The following ERN1 variants were observed in gnomAD, a reference collection of about 807,000 sequenced individuals.
The protein encoded by ERN1 is endoplasmic reticulum to nucleus signaling 1, also known as serine/threonine-protein kinase/endoribonuclease IRE1.
In ERN1, 39 loss-of-function variants were observed where a neutral mutation model predicts 113.1. The ratio of observed to expected loss-of-function variants is 0.34; its 90% CI spans 0.27 to 0.45. ERN1 has a LOEUF of 0.45. Ranked by LOEUF, ERN1 falls within the 20% of genes least tolerant of loss-of-function variation. The probability of loss-of-function intolerance (pLI) is 1.00; values close to 1 mark genes in which losing one functional copy is unlikely to be tolerated. For missense variants in ERN1, 976 were observed against 1,274.8 expected, an observed-to-expected ratio of 0.77 and a Z score of 3.57; for synonymous variants, 507 against 515.9, an observed-to-expected ratio of 0.98 and a Z score of 0.23.
intron 7 of ERN1, among the ~76,000 whole-genome samples, chr17:64,067,606 C>A (rs369075983): frequency 1.5e-4 from 21 of 144,246 alleles, no homozygotes; most frequent in African/African-American, 1.0e-4. Context: ...GAACTTGCCT[C>A]AAAAAAAAAA....
chr17:64,111,952 A>T (rs1307132059), intron 1 of ERN1, among the ~76,000 whole-genome samples: 3 of 152,144 alleles, frequency 2.0e-5, no homozygotes, highest in African/African-American at 7.2e-5. Flanking sequence ...CTCATCTCTT[A>T]CCTCCATTGC....
In ERN1 at chr17:64,041,608, G is replaced by C. The variant is rs1912340035; in HGVS notation, c.*2380C>G. 6.6e-6 allele frequency: 1 copy of C among 152,188 alleles called. No homozygotes were observed. Among genetic ancestry groups the C allele is most frequent in the Non-Finnish European group, 1.5e-5 (1 of 68,060 alleles). The allele number at this position is 152,188 out of a possible 1,614,324, so 9.4% of individuals were successfully genotyped here. A position where few individuals can be genotyped will look rare whatever the true frequency, so the allele number is the denominator to read the frequency against. On this transcript the variant is annotated 3_prime_UTR_variant, in exon 22 of 22. Coordinates refer to ENST00000433197, the MANE Select transcript of ERN1 (RefSeq NM_001433.5). ...AACCAGGGCTCCTAAAGGCGACTAA[G>C]AGGAAAGACCAGAGGTGACCGGACC...
chr17:64,126,122 A>G (rs1489660367), intron 1 of ERN1, among the ~76,000 whole-genome samples: 1 of 152,174 alleles, frequency 6.6e-6, no homozygotes, highest in Non-Finnish European at 1.5e-5. Context: ...CCAGTAGTTT[A>G]TTATTCACAA....
At chr17:64,083,129 G>A (rs554330527) in intron 2 of ERN1, among the ~76,000 whole-genome samples, 4 of 152,184 alleles carry the variant, frequency 2.6e-5, no homozygotes, top group South Asian at 4.1e-4. Context: ...ATAATTATAC[G>A]GGGGGCGGGG....
In ERN1 at chr17:64,098,210, G is replaced by T. The variant is rs762022987; in HGVS notation, c.86C>A (p.Pro29His). ...IFGSTSTVTLPETLLFVSTLD... is the reference protein window; with the variant it reads ...IFGSTSTVTLHETLLFVSTLD... ...CGTTGACACAAACAACAAGGTTTCA[G>T]GAAGCGTCACTGTGCTGGTACTTCC... The change falls in exon 2 of 22, where the codon CCT (proline) becomes CAT (histidine). Residue 29 changes from proline (P) to histidine (H), a missense_variant. Transcript: ENST00000433197. 4 of 1,613,934 alleles carry T rather than the reference G, an allele frequency of 2.5e-6. No homozygotes were observed. Among genetic ancestry groups the T allele is most frequent in the Non-Finnish European group, 3.4e-6 (4 of 1,179,860 alleles).
Position 64,055,843 on chromosome 17 carries a change from C to G in ERN1, c.1504G>C (p.Gly502Arg), listed in dbSNP as rs1457618505. ...AGCTCGCCGTCCTGAGCCGTGTCTC[C>G]AGGTGGGTGGAAGGGCAGCTGCTGC... ...QQQQLPFHPP[G>R]DTAQDGELLD... Residue 502 changes from glycine to arginine, a missense_variant, in exon 13 of 22, where the codon GGA becomes CGA. By Grantham distance (125) the Gly-to-Arg change is moderately radical. Transcript: ENST00000433197. The G allele has an allele frequency of 6.4e-7, 1 of 1,554,898 alleles. No individual in the cohort carries two copies. Among genetic ancestry groups the G allele is most frequent in the Non-Finnish European group, 8.7e-7 (1 of 1,149,100 alleles).
chr17:64,066,641 G>A, intron 8 of ERN1, 30 bp downstream of exon 8: 13 of 1,610,138 alleles, frequency 8.1e-6, no homozygotes, highest in Non-Finnish European at 1.1e-5. Flanking sequence ...GGCCACGGCC[G>A]CCCTCTCCTT....
intron 4 of ERN1, among the ~76,000 whole-genome samples, chr17:64,079,152 C>A (rs1443724619): frequency 1.3e-5 from 2 of 152,092 alleles, no homozygotes; most frequent in Non-Finnish European, 2.9e-5. Flanking sequence ...AAATCGGGAC[C>A]TTCTGGGATT....
chr17:64,044,900 C>T lies in ERN1; in HGVS notation c.2681G>A (p.Gly894Asp). The stretch of plus-strand genomic sequence containing the variant: ...TCGGAGGAGATCTCTGACAGAACCA[C>T]CTTTATAGGTCCTGAATTTACGCAG... ...TDLRKFRTYK[G>D]GSVRDLLRAM... Residue 894 changes from glycine to aspartate, a missense_variant, in exon 21 of 22, where the codon GGT becomes GAT. By Grantham distance (94) the Gly-to-Asp change is moderately conservative. Transcript: ENST00000433197. The surrounding 1 kb of genome is among the most constrained non-coding windows in gnomAD (Gnocchi z 4.1). 1 of 1,593,862 alleles carries T rather than the reference C, an allele frequency of 6.3e-7. No individual in the cohort carries two copies. The highest frequency in any genetic ancestry group is 8.6e-7 in the Non-Finnish European group (1 of 1,169,410).
Position 64,052,946 on chromosome 17 carries a change from A to G in ERN1, c.2087T>C (p.Ile696Thr). ...HRDLKPHNIL[I>T]SMPNAHGKIK... The stretch of plus-strand genomic sequence containing the variant: ...CTTGCCGTGTGCATTGGGCATGGAT[A>G]TGAGGATGTTGTGTGGCTTTAGGTC... Residue 696 changes from isoleucine to threonine, a missense_variant, in exon 17 of 22, where the codon ATA becomes ACA. Coordinates refer to ENST00000433197, the MANE Select transcript of ERN1 (RefSeq NM_001433.5). The G allele has an allele frequency of 6.2e-7, 1 of 1,613,466 alleles. No individual in the cohort carries two copies. The highest frequency in any genetic ancestry group is 8.5e-7 in the Non-Finnish European group (1 of 1,179,632).
chr17:64,124,295 T>C (rs1449499691), intron 1 of ERN1, among the ~76,000 whole-genome samples: 2 of 152,150 alleles, frequency 1.3e-5, no homozygotes, highest in African/African-American at 2.4e-5. Context: ...ACGCAAAAAT[T>C]TGTACACAAA....
chr17:64,075,674 G>A (rs1054735743), intron 4 of ERN1, among the ~76,000 whole-genome samples: 10 of 152,246 alleles, frequency 6.6e-5, no homozygotes, highest in Non-Finnish European at 1.2e-4. Context: ...TTGACACCAT[G>A]TGCAGAGGCC....
intron 2 of ERN1, among the ~76,000 whole-genome samples, chr17:64,096,133 G>A (rs1914222616): frequency 6.6e-6 from 1 of 152,226 alleles, no homozygotes; most frequent in Admixed American, 6.5e-5. Context: ...CTGGTCTGTG[G>A]ATGGGTCTGT....
At position 64,051,769 on chromosome 17, in the gene ERN1, C is replaced by T. The variant is rs191266558; in HGVS notation, c.2253+1011G>A. ...ATATAAAACCCAGTAGGTATCAAAA[C>T]CCAGTAGGTAGCAAAATACCAACTC... On this transcript the variant is annotated intron_variant, in intron 17 of 21. Coordinates refer to ENST00000433197, the MANE Select transcript of ERN1 (RefSeq NM_001433.5). 2.3e-4 allele frequency among the ~76,000 whole-genome samples: 35 copies of T among 152,244 alleles called. 1 individual carries two copies. Among genetic ancestry groups the T allele is most frequent in the Admixed American group, 1.4e-3 (22 of 15,292 alleles).
intron 7 of ERN1, among the ~76,000 whole-genome samples, chr17:64,067,527 G>C (rs1208491325): frequency 1.3e-5 from 2 of 151,474 alleles, no homozygotes. Flanking sequence ...AAGATCGCTT[G>C]AGCCTAGGAG....
rs201095170 is a variant in ERN1, at chr17:64,053,303, C to T, written c.2022G>A (p.Ser674=). The change falls in exon 16 of 22, where the codon TCG becomes TCA. Residue 674 remains serine (S), a synonymous_variant. Transcript: ENST00000433197. ...TGAGGGAGTGGAGGTGGGCCAGGCC[C>T]GAGGTGGTCTGCTGCAGCAAGGTGA... ...EPITLLQQTT[S]GLAHLHSLNI... 2.9e-5 allele frequency: 47 copies of T among 1,611,282 alleles called. No homozygotes were observed. In the East Asian group the frequency reaches 3.3e-4, roughly 11 times the overall value.
rs1258737512 is a variant in ERN1, at chr17:64,042,871, C to T, written c.*1117G>A. ...TATTCTATCTTGCATTTATTCTTCA[C>T]AAGAAAGCTTCAAGTTTAGCTTACT... On this transcript the variant is annotated 3_prime_UTR_variant, in exon 22 of 22. Transcript: ENST00000433197. 6.6e-6 allele frequency: 1 copy of T among 152,234 alleles called. No individual in the cohort carries two copies. Among genetic ancestry groups the T allele is most frequent in the African/African-American group, 2.4e-5 (1 of 41,460 alleles). The allele number at this position is 152,234 out of a possible 1,614,324, so 9.4% of individuals were successfully genotyped here.
At chr17:64,071,444 G>T (rs1913413558) in intron 6 of ERN1, among the ~76,000 whole-genome samples, 1 of 151,936 alleles carries the variant, frequency 6.6e-6, no homozygotes, top group Non-Finnish European at 1.5e-5. Flanking sequence ...AGGGGGGATG[G>T]AGTTTTACTC....
intron 1 of ERN1, among the ~76,000 whole-genome samples, chr17:64,112,021 C>T (rs533582875): frequency 2.6e-5 from 4 of 152,088 alleles, no homozygotes; most frequent in Admixed American, 2.0e-4. Flanking sequence ...TGCTAGGAGA[C>T]AATCAGGAAT....
Sources: allele counts gnomAD v4.1 joint callset (sites outside exome capture counted in the v4.1 genomes callset), GRCh38; gene constraint gnomAD v4.1.1; non-coding constraint Gnocchi (gnomAD v3.1); transcripts MANE v1.5; gene names NCBI Gene and HGNC (gene_info 2026-07-23, HGNC 2026-07-21).